Variants in KIDINS220 observed in about 807,000 individuals in gnomAD.
The protein encoded by KIDINS220 is kinase D interacting substrate 220, also known as kinase D-interacting substrate of 220 kDa.
Under a neutral mutation model 157.6 loss-of-function variants are expected in KIDINS220, and 63 were observed. The observed-to-expected ratio is 0.40, with a 90% CI of 0.33 to 0.49. The LOEUF is 0.49. Among genes scored for constraint, KIDINS220 ranks in the 20% least tolerant of loss-of-function variants. KIDINS220 has a pLI of 0.66. For synonymous variants in KIDINS220, 732 were observed against 783.6 expected (o/e 0.93, Z 1.10); for missense variants, 1,772 against 2,171.2 (o/e 0.82, Z 3.65).
chr2:8,768,523 A>AATTT (rs1325389272), intron 22 of KIDINS220, among the ~76,000 whole-genome samples: 1 of 152,204 alleles, frequency 6.6e-6, no homozygotes, highest in Non-Finnish European at 1.5e-5. Context: ...CACCTGAATA[A>AATTT]AGCCAGCAGA....
At chr2:8,744,377 A>T (rs1666101624) in intron 26 of KIDINS220, among the ~76,000 whole-genome samples, 2 of 21,546 alleles carry the variant, frequency 9.3e-5, no homozygotes, top group African/African-American at 1.6e-4. Flanking sequence ...AAAAAAAAAA[A>T]AAAAAAAAAA....
intron 22 of KIDINS220, among the ~76,000 whole-genome samples, chr2:8,755,328 G>C (rs1378034330): frequency 6.6e-6 from 1 of 152,016 alleles, no homozygotes; most frequent in Non-Finnish European, 1.5e-5. Flanking sequence ...ATACTTTCTT[G>C]CATAATATGT....
intron 22 of KIDINS220, among the ~76,000 whole-genome samples, chr2:8,765,351 C>A (rs956965713): frequency 6.6e-6 from 1 of 152,182 alleles, no homozygotes; most frequent in Admixed American, 6.5e-5. Context: ...TTTCCTACAC[C>A]TAGCAGTCTT....
chr2:8,834,423 CCGT>C (rs2148465587), intron 1 of KIDINS220, among the ~76,000 whole-genome samples: 1 of 151,892 alleles, frequency 6.6e-6, no homozygotes, highest in East Asian at 2.0e-4. Context: ...TCTCTGACCA[CCGT>C]GTATAAATGG....
intron 22 of KIDINS220, among the ~76,000 whole-genome samples, chr2:8,768,259 A>G (rs1669730930): frequency 6.6e-6 from 1 of 152,090 alleles, no homozygotes; most frequent in Non-Finnish European, 1.5e-5. Context: ...AAAAAAAAAA[A>G]ACTCTCAAAT....
chr2:8,736,310 G>C (rs1664848413), intron 27 of KIDINS220, among the ~76,000 whole-genome samples: 1 of 152,100 alleles, frequency 6.6e-6, no homozygotes, highest in South Asian at 2.1e-4. Flanking sequence ...CCTGATAGCT[G>C]CTAGAATTGC....
At chr2:8,761,069 A>G (rs1287163525) in intron 22 of KIDINS220, among the ~76,000 whole-genome samples, 1 of 152,184 alleles carries the variant, frequency 6.6e-6, no homozygotes, top group Non-Finnish European at 1.5e-5. Flanking sequence ...AAGAGTTTAT[A>G]CTTGATATTT....
chr2:8,778,781 ATATT>A, intron 19 of KIDINS220, 54 bp from the exon 20 acceptor site: 1 of 1,588,780 alleles, frequency 6.3e-7, no homozygotes. Context: ...GTTGTATATG[ATATT>A]TAAAGAAATG....
chr2:8,774,295 CAAA>C (rs547340055), intron 21 of KIDINS220, among the ~76,000 whole-genome samples: 6 of 56,734 alleles, frequency 1.1e-4, no homozygotes, highest in Non-Finnish European at 1.8e-4. Context: ...GACTCTGTCT[CAAA>C]AAAAAAAAAA....
intron 6 of KIDINS220, among the ~76,000 whole-genome samples, chr2:8,807,889 A>G (rs975856350): frequency 2.0e-5 from 3 of 152,222 alleles, no homozygotes; most frequent in African/African-American, 7.2e-5. Context: ...TGGGAGGCTA[A>G]GCCAGGTGGA....
Position 8,751,772 on chromosome 2 carries a change from A to G in KIDINS220, c.3012-128T>C, listed in dbSNP as rs573323004. The G allele has an allele frequency of 1.7e-4, 110 of 651,068 alleles. No individual in the cohort carries two copies. The African/African-American group carries it at 1.8e-3, about 11-fold the overall frequency. 40.3% of individuals were successfully genotyped at this position (651,068 alleles called of 1,614,324 possible). On this transcript the variant is annotated intron_variant, in intron 22 of 29. Coordinates refer to ENST00000256707, the MANE Select transcript of KIDINS220 (RefSeq NM_020738.4). ...TCTGATGGATTTGGTCTAATTACAC[A>G]TCGGCTCACTGCAACCTCTGCCTCC...
chr2:8,739,461 T>C (rs1456612684), intron 26 of KIDINS220, among the ~76,000 whole-genome samples: 1 of 152,192 alleles, frequency 6.6e-6, no homozygotes, highest in East Asian at 1.9e-4. Context: ...CTAGACCTTT[T>C]CTAAAATAAT....
chr2:8,808,737 C>T (rs751716237), intron 6 of KIDINS220, among the ~76,000 whole-genome samples: 31 of 152,346 alleles, frequency 2.0e-4, no homozygotes, highest in Non-Finnish European at 3.8e-4. Context: ...AATCTCCTGC[C>T]ACATCATCAG....
intron 2 of KIDINS220, among the ~76,000 whole-genome samples, chr2:8,820,405 A>C (rs1202577045): frequency 1.3e-5 from 2 of 152,218 alleles, no homozygotes; most frequent in Non-Finnish European, 2.9e-5. Flanking sequence ...TGCTGAGTAA[A>C]CGAGTGAGCA....
intron 12 of KIDINS220, among the ~76,000 whole-genome samples, chr2:8,793,533 T>TG (rs1673490473): frequency 1.3e-5 from 2 of 152,104 alleles, no homozygotes; most frequent in African/African-American, 4.8e-5. Flanking sequence ...TCCATCTCCC[T>TG]GGCTCAAGAG....
At chr2:8,740,733 G>A (rs1009248213) in intron 26 of KIDINS220, among the ~76,000 whole-genome samples, 2 of 152,152 alleles carry the variant, frequency 1.3e-5, no homozygotes, top group East Asian at 1.9e-4. Context: ...CTTCTAGCTC[G>A]AGAAACAGAC....
intron 17 of KIDINS220, 46 bp from the exon 18 acceptor site, chr2:8,779,860 G>A (rs1671464146): frequency 1.3e-6 from 2 of 1,595,998 alleles, no homozygotes; most frequent in African/African-American, 1.3e-5. Context: ...GAAGATCCAA[G>A]AAGCTTAAAC....
At position 8,733,640 on chromosome 2, in the gene KIDINS220, T is replaced by C. The variant is rs1480207455; in HGVS notation, c.3857A>G (p.Glu1286Gly). Residue 1286 changes from glutamate (E) to glycine (G), a missense_variant, in exon 29 of 30, where the codon GAA (glutamate) becomes GGA (glycine). Around this residue, in one of 3 missense-constraint regions of KIDINS220, gnomAD observed 793 missense variants for 885.5 expected, o/e 0.90. Coordinates refer to ENST00000256707, the MANE Select transcript of KIDINS220 (RefSeq NM_020738.4). ...GCTCTCACTGAGGAAACGTGGGTCTTCAGGGACCACGTGGCTTTCTGCGTT... is the reference window on the plus strand; with the variant it reads ...GCTCTCACTGAGGAAACGTGGGTCTCCAGGGACCACGTGGCTTTCTGCGTT... ...MRNAESHVVP[E>G]DPRFLSESSS... 6.2e-7 allele frequency: 1 copy of C among 1,601,754 alleles called. No homozygotes were observed. The highest frequency in any genetic ancestry group is 1.3e-5 in the African/African-American group (1 of 74,710).
intron 4 of KIDINS220, among the ~76,000 whole-genome samples, chr2:8,816,960 G>C (rs1199689721): frequency 6.6e-6 from 1 of 152,194 alleles, no homozygotes; most frequent in East Asian, 1.9e-4. Flanking sequence ...CAGACCGTCT[G>C]TACTTCAAAA....
Sources: allele counts gnomAD v4.1 joint callset (sites outside exome capture counted in the v4.1 genomes callset), GRCh38; gene constraint gnomAD v4.1.1; regional missense constraint gnomAD v4.1.1; transcripts MANE v1.5; gene names NCBI Gene and HGNC (gene_info 2026-07-23, HGNC 2026-07-21).